The following KITLG variants were observed in gnomAD, a reference collection of about 807,000 sequenced individuals.
The protein encoded by KITLG is KIT ligand, also known as c-Kit ligand.
KITLG carries 13 observed loss-of-function variants against 34.1 expected under a neutral mutation model. The observed-to-expected ratio is 0.38, with a 90% CI of 0.25 to 0.61. KITLG has a LOEUF of 0.61. Among genes scored for constraint, KITLG ranks in the 20% least tolerant of loss-of-function variants. The pLI, the probability that KITLG is intolerant of heterozygous loss-of-function variation, is 0.60. For missense variants in KITLG, 292 were observed against 318.9 expected (o/e 0.92, Z 0.64); for synonymous variants, 110 against 104.0 (o/e 1.06, Z -0.35).
At chr12:88,568,075 T>C (rs144246476) in intron 1 of KITLG, among the ~76,000 whole-genome samples, 281 of 140,682 alleles carry the variant, frequency 2.0e-3, no homozygotes, top group African/African-American at 7.3e-3. Context: ...ATGGACAGTA[T>C]AGTATGTAGA....
At chr12:88,534,637 G>C (rs1870236682) in intron 2 of KITLG, 1 of 501,654 alleles carries the variant, frequency 2.0e-6, no homozygotes, top group African/African-American at 2.0e-5. Flanking sequence ...AAAATGCTGG[G>C]ATTACAGTCA....
intron 9 of KITLG, among the ~76,000 whole-genome samples, chr12:88,503,665 G>C (rs915716221): frequency 6.6e-6 from 1 of 152,092 alleles, no homozygotes; most frequent in Non-Finnish European, 1.5e-5. Context: ...GAAAGCAGAC[G>C]GGACAGGAGA....
intron 8 of KITLG, 39 bp downstream of exon 8, chr12:88,506,272 T>C (rs1299768933): frequency 1.1e-5 from 15 of 1,379,850 alleles, no homozygotes; most frequent in Admixed American, 1.0e-4. Context: ...AATGGCAATG[T>C]CATGCTTGAT....
chr12:88,493,789 G>T lies in KITLG; in HGVS notation c.*3430C>A, dbSNP rs1592831958. On this transcript the variant is annotated 3_prime_UTR_variant, in exon 10 of 10. Coordinates refer to ENST00000644744, the MANE Select transcript of KITLG (RefSeq NM_000899.5). ...TATAGTTTCTCATCCTGACTAATATGACTAAAACGTACTACTGGTTTTCAT... is the reference window on the plus strand; with the variant it reads ...TATAGTTTCTCATCCTGACTAATATTACTAAAACGTACTACTGGTTTTCAT... The T allele has an allele frequency of 6.6e-6, 1 of 151,818 alleles. No individual in the cohort carries two copies. Among genetic ancestry groups the T allele is most frequent in the South Asian group, 2.1e-4 (1 of 4,820 alleles). The allele number at this position is 151,818 out of a possible 1,614,324, so 9.4% of individuals were successfully genotyped here. A position where few individuals can be genotyped will look rare whatever the true frequency, so the allele number is the denominator to read the frequency against.
intron 2 of KITLG, 148 bp from the exon 3 acceptor site, chr12:88,532,651 A>T: frequency 1.6e-6 from 1 of 615,518 alleles, no homozygotes; most frequent in Non-Finnish European, 2.8e-6. Context: ...TTGATTTTTA[A>T]TCCTTGATTT....
intron 1 of KITLG, among the ~76,000 whole-genome samples, chr12:88,557,691 T>C (rs1435231659): frequency 1.3e-5 from 2 of 152,090 alleles, no homozygotes; most frequent in Non-Finnish European, 2.9e-5. Context: ...TAAGTGTGTA[T>C]TTTCAAAGAA....
chr12:88,562,167 G>T (rs956395814), intron 1 of KITLG, among the ~76,000 whole-genome samples: 4 of 152,126 alleles, frequency 2.6e-5, no homozygotes, highest in African/African-American at 9.7e-5. Flanking sequence ...CTCCATATTT[G>T]TGGATTGTAT....
chr12:88,505,145 A>G lies in KITLG; in HGVS notation c.*37+14T>C. ...AAAAAAAAGAAAAAAAAAGGAAAGA[A>G]GAAAAAAACTTACCAATGTACGAAA... On this transcript the variant is annotated intron_variant, in intron 9 of 9. Transcript: ENST00000644744. 1.5e-6 allele frequency: 2 copies of G among 1,370,236 alleles called. No homozygotes were observed. Among genetic ancestry groups the G allele is most frequent in the Non-Finnish European group, 2.1e-6 (2 of 968,472 alleles). 84.9% of individuals were successfully genotyped at this position (1,370,236 alleles called of 1,614,324 possible). A position where few individuals can be genotyped will look rare whatever the true frequency, so the allele number is the denominator to read the frequency against.
At chr12:88,505,871 C>T (rs531261694) in intron 8 of KITLG, among the ~76,000 whole-genome samples, 3 of 152,136 alleles carry the variant, frequency 2.0e-5, no homozygotes, top group Non-Finnish European at 4.4e-5. Flanking sequence ...GGCAGCAACT[C>T]ATGAGATCAT....
intron 1 of KITLG, among the ~76,000 whole-genome samples, chr12:88,549,926 A>T (rs1443860102): frequency 6.6e-6 from 1 of 152,214 alleles, no homozygotes; most frequent in Admixed American, 6.5e-5. Context: ...CCAAGACTTT[A>T]AAAAAGTACT....
At chr12:88,498,881 A>T (rs944044871) in intron 9 of KITLG, among the ~76,000 whole-genome samples, 1 of 152,058 alleles carries the variant, frequency 6.6e-6, no homozygotes, top group Non-Finnish European at 1.5e-5. Flanking sequence ...AGAAAGAAAG[A>T]CTCTCAAGAA....
chr12:88,517,781 G>C (rs374956183), intron 4 of KITLG, among the ~76,000 whole-genome samples: 6 of 152,214 alleles, frequency 3.9e-5, no homozygotes, highest in African/African-American at 1.4e-4. Flanking sequence ...AGAATTATAA[G>C]ATAGGATAGT....
In KITLG at chr12:88,580,434, CAGCGCTT is replaced by C; in HGVS notation, c.-163_-157del. The stretch of plus-strand genomic sequence containing the variant: ...CCCTCTCCACTGTCCCTGCTTCCCG[CAGCGCTT>C]CTAGTCTCGGCGCGAGGCGGCGAGC... On this transcript the variant is annotated 5_prime_UTR_variant, in exon 1 of 10. Coordinates refer to ENST00000644744, the MANE Select transcript of KITLG (RefSeq NM_000899.5). The C allele has an allele frequency of 1.1e-6, 1 of 909,328 alleles. No homozygotes were observed. The highest frequency in any genetic ancestry group is 1.7e-6 in the Non-Finnish European group (1 of 575,222). 56.3% of individuals were successfully genotyped at this position (909,328 alleles called of 1,614,324 possible).
chr12:88,497,714 A>G (rs185115876), intron 9 of KITLG, among the ~76,000 whole-genome samples: 1 of 152,320 alleles, frequency 6.6e-6, no homozygotes, highest in Admixed American at 6.5e-5. Flanking sequence ...AGAGAAATGG[A>G]GATAGATGGA....
At chr12:88,534,668 A>G (rs200184019) in intron 2 of KITLG, 17 of 512,814 alleles carry the variant, frequency 3.3e-5, no homozygotes, top group Admixed American at 3.2e-4. Context: ...TGTCCATTCC[A>G]TTGCTGCTTA....
intron 9 of KITLG, among the ~76,000 whole-genome samples, chr12:88,501,781 T>C (rs527310254): frequency 6.6e-6 from 1 of 152,338 alleles, no homozygotes; most frequent in Admixed American, 6.5e-5. Flanking sequence ...TTTATTTTCA[T>C]ATATTTTATT....
intron 3 of KITLG, among the ~76,000 whole-genome samples, chr12:88,525,584 ACAC>A (rs374976684): frequency 6.6e-6 from 1 of 152,318 alleles, no homozygotes; most frequent in African/African-American, 2.4e-5. Context: ...TATTATATGC[ACAC>A]CACAACTCAT....
In KITLG at chr12:88,549,259, T is replaced by C. The variant is rs1191046850; in HGVS notation, c.16-3394A>G. The stretch of plus-strand genomic sequence containing the variant: ...CTTACTTGAATAAAATAGGATTCAT[T>C]GCAAGATTTTGAGCAGAGGAGGGAT... On this transcript the variant is annotated intron_variant, in intron 1 of 9. Coordinates refer to ENST00000644744, the MANE Select transcript of KITLG (RefSeq NM_000899.5). Among the ~76,000 whole-genome samples the C allele has an allele frequency of 3.3e-5, 5 of 152,298 alleles. No homozygotes were observed. In the East Asian group the frequency reaches 9.6e-4, roughly 29 times the overall value.
intron 1 of KITLG, among the ~76,000 whole-genome samples, chr12:88,577,214 A>T (rs1386933104): frequency 6.6e-6 from 1 of 152,180 alleles, no homozygotes; most frequent in African/African-American, 2.4e-5. Context: ...CACATGACAA[A>T]CTTCATACAG....
Sources: allele counts gnomAD v4.1 joint callset (sites outside exome capture counted in the v4.1 genomes callset), GRCh38; gene constraint gnomAD v4.1.1; transcripts MANE v1.5; gene names NCBI Gene and HGNC (gene_info 2026-07-23, HGNC 2026-07-21).